The following MYLK variants were observed in gnomAD, a reference collection of about 807,000 sequenced individuals.
MYLK encodes the protein myosin light chain kinase, also known as myosin light chain kinase, smooth muscle.
Under a neutral mutation model 203.4 loss-of-function variants are expected in MYLK, and 106 were observed. The observed-to-expected ratio is 0.52, with a 90% CI of 0.45 to 0.61. The LOEUF (loss-of-function observed/expected upper bound fraction) is 0.61, where lower values mean the gene tolerates loss of function less well. Among genes scored for constraint, MYLK ranks in the 20% least tolerant of loss-of-function variants. The pLI, the probability that MYLK is intolerant of heterozygous loss-of-function variation, is 0.00. For synonymous variants in MYLK, 867 were observed against 959.5 expected, an observed-to-expected ratio of 0.90 and a Z score of 1.78; for missense variants, 2,072 against 2,442.3, an observed-to-expected ratio of 0.85 and a Z score of 3.20.
At chr3:123,710,708 A>G (rs1205496148) in intron 13 of MYLK, among the ~76,000 whole-genome samples, 4 of 152,220 alleles carry the variant, frequency 2.6e-5, no homozygotes, top group Non-Finnish European at 4.4e-5. Flanking sequence ...GGATCTAGTC[A>G]TGCTACTCCT....
chr3:123,848,865 T>C lies in MYLK; in HGVS notation c.-126-17195A>G, dbSNP rs79995944. ...GACTACCTCGAAACTTCTTGTTATA[T>C]GGCAAATGTTAAACCCCTAGGTCAT... On this transcript the variant is annotated intron_variant, in intron 2 of 33. Coordinates refer to ENST00000360304, the MANE Select transcript of MYLK (RefSeq NM_053025.4). 3.0e-3 allele frequency among the ~76,000 whole-genome samples: 459 copies of C among 152,366 alleles called. 2 individuals carry two copies. The highest frequency in any genetic ancestry group is 0.01 in the African/African-American group (422 of 41,588).
At chr3:123,723,786 A>G (rs985988200) in intron 12 of MYLK, among the ~76,000 whole-genome samples, 5 of 152,266 alleles carry the variant, frequency 3.3e-5, no homozygotes, top group African/African-American at 1.2e-4. Flanking sequence ...AGTCGCTGAG[A>G]AAACACCGTC....
Position 123,647,241 on chromosome 3 carries a change from G to A in MYLK, c.4602C>T (p.Ile1534=), listed in dbSNP as rs578009736. ...CCACTCACATCTCCAGGACCATGAC[G>A]ATGTTGGCCTTTTCTTCAAAGGCAT... is the stretch of plus-strand genomic sequence containing the variant. ...CVDAFEEKAN[I]VMVLEIVSGG... is the part of the protein sequence containing the mutation. The change falls in exon 27 of 34, where the codon ATC becomes ATT. Residue 1534 remains isoleucine, a synonymous_variant. Transcript: ENST00000360304. 51 of 1,614,186 alleles carry A rather than the reference G, an allele frequency of 3.2e-5. No homozygotes were observed. In the South Asian group the frequency reaches 4.6e-4, roughly 15 times the overall value.
chr3:123,867,708 T>C (rs760938373), intron 2 of MYLK, among the ~76,000 whole-genome samples: 17 of 152,138 alleles, frequency 1.1e-4, no homozygotes, highest in African/African-American at 3.1e-4. Context: ...TGTGAGAAAA[T>C]GAATTTCCAT....
rs1396522007 is a variant in MYLK at position 123,614,136 on chromosome 3, C to T, written c.5714G>A (p.Gly1905Asp). The T allele has an allele frequency of 1.2e-6, 2 of 1,613,902 alleles. No individual in the cohort carries two copies. Among genetic ancestry groups the T allele is most frequent in the Middle Eastern group, 1.6e-4 (1 of 6,062 alleles). ...TTCTTCCTCTTCCCCTTCCCCTTCA[C>T]CTTCCTCCATCGTTTCCACAATGAG... ...AELIVETMEE[G>D]EGEGEEEEE Residue 1905 changes from glycine (G) to aspartate (D), a missense_variant, in exon 34 of 34, where the codon GGT becomes GAT. This residue lies in a region of MYLK where 524 missense variants were observed against 782.4 expected (regional missense o/e 0.67). Transcript: ENST00000360304.
At chr3:123,693,790 G>A (rs2060788149) in intron 18 of MYLK, among the ~76,000 whole-genome samples, 1 of 152,238 alleles carries the variant, frequency 6.6e-6, no homozygotes, top group African/African-American at 2.4e-5. Context: ...TGCTGGGCCA[G>A]GCAGAAGGGC....
chr3:123,786,071 G>A lies in MYLK; in HGVS notation c.165+7606C>T, dbSNP rs367795950. ...TAATCCCAGCACTTTGGGAGGCCGA[G>A]GTGGGCGGATCACCTGAGGTCAGGA... On this transcript the variant is annotated intron_variant, in intron 4 of 33. Transcript: ENST00000360304. Among the ~76,000 whole-genome samples the A allele has an allele frequency of 3.3e-5, 5 of 152,210 alleles. No individual in the cohort carries two copies. The East Asian group carries it at 9.7e-4, about 29-fold the overall frequency.
rs781555971 is a variant in MYLK at position 123,707,819 on chromosome 3, G to T, written c.2325C>A (p.Asp775Glu). The T allele has an allele frequency of 6.2e-7, 1 of 1,614,080 alleles. No homozygotes were observed. Among genetic ancestry groups the T allele is most frequent in the Non-Finnish European group, 8.5e-7 (1 of 1,180,038 alleles). Reference protein sequence around the residue: ...TGHFEVLQNEDVFTLVLKKVQ... With the variant: ...TGHFEVLQNEEVFTLVLKKVQ... ...CCTTCTTTAGAACCAGGGTGAACACGTCCTCATTCTGAAGCACCTCGAAGT... is the reference window on the plus strand; with the variant it reads ...CCTTCTTTAGAACCAGGGTGAACACTTCCTCATTCTGAAGCACCTCGAAGT... Residue 775 changes from aspartate to glutamate, a missense_variant, in exon 16 of 34, where the codon GAC (aspartate) becomes GAA (glutamate). By Grantham distance (45) the Asp-to-Glu change is conservative. Transcript: ENST00000360304.
intron 1 of MYLK, among the ~76,000 whole-genome samples, chr3:123,879,803 C>T (rs1315550119): frequency 1.3e-5 from 2 of 152,152 alleles, no homozygotes; most frequent in Non-Finnish European, 2.9e-5. Context: ...TACAGACGCC[C>T]GCCACCACAC....
At chr3:123,716,562 T>C (rs2061901925) in intron 13 of MYLK, among the ~76,000 whole-genome samples, 1 of 152,228 alleles carries the variant, frequency 6.6e-6, no homozygotes, top group South Asian at 2.1e-4. Flanking sequence ...CAAGGATCAC[T>C]GAAACCACAG....
intron 20 of MYLK, among the ~76,000 whole-genome samples, chr3:123,673,447 C>T (rs2059980617): frequency 6.6e-6 from 1 of 152,056 alleles, no homozygotes; most frequent in South Asian, 2.1e-4. Flanking sequence ...CCTCCCCCCA[C>T]TCCCCCGCTC....
chr3:123,771,514 TTGC>T lies in MYLK; in HGVS notation c.166-18979_166-18977del, dbSNP rs1037118784. ...TCATTTCTCCTTTTATATAAATGTTTTGCTTCTGCTTTCCTTCGGCTTGTTCTA... is the reference window on the plus strand; with the variant it reads ...TCATTTCTCCTTTTATATAAATGTTTTTCTGCTTTCCTTCGGCTTGTTCTA... On this transcript the variant is annotated intron_variant, in intron 4 of 33. Transcript: ENST00000360304. Among the ~76,000 whole-genome samples, 59 of 152,324 alleles carry T rather than the reference TTGC, an allele frequency of 3.9e-4. 1 individual carries two copies. The highest frequency in any genetic ancestry group is 1.4e-3 in the African/African-American group (59 of 41,584).
chr3:123,755,492 A>G (rs2063332344), intron 4 of MYLK, among the ~76,000 whole-genome samples: 1 of 152,162 alleles, frequency 6.6e-6, no homozygotes, highest in African/African-American at 2.4e-5. Flanking sequence ...TCACTATGAT[A>G]CTTTTATAGC....
rs1553857368 is a variant in MYLK, at chr3:123,820,648, T to TTCCTTCCC, written c.-4+10899_-4+10900insGGGAAGGA. ...CTTCCTTCCTTCCTTCCTTCCCTCC[T>TTCCTTCCC]TCCTTCCTTCCTTCCCTCCTTCCTT... On this transcript the variant is annotated intron_variant, in intron 3 of 33. Transcript: ENST00000360304. Among the ~76,000 whole-genome samples, 34 of 129,466 alleles carry TTCCTTCCC rather than the reference T, an allele frequency of 2.6e-4. No individual in the cohort carries two copies. The East Asian group carries it at 4.9e-3, about 19-fold the overall frequency. The allele number at this position is 129,466 out of a possible 152,430, so 84.9% of individuals were successfully genotyped here. A position where few individuals can be genotyped will look rare whatever the true frequency, so the allele number is the denominator to read the frequency against.
At chr3:123,859,304 G>A (rs1560296855) in intron 2 of MYLK, among the ~76,000 whole-genome samples, 1 of 152,244 alleles carries the variant, frequency 6.6e-6, no homozygotes, top group Non-Finnish European at 1.5e-5. Flanking sequence ...GGGTCCCATG[G>A]TGAAAGTTTG....
At chr3:123,735,487 C>CACTT in intron 8 of MYLK, 71 bp from the exon 9 acceptor site, 1 of 1,570,108 alleles carries the variant, frequency 6.4e-7, no homozygotes, top group Non-Finnish European at 8.8e-7. Flanking sequence ...CCTCCCCAGG[C>CACTT]ACTTCCTCAT....
chr3:123,666,161 C>T, intron 22 of MYLK, 58 bp downstream of exon 22: 1 of 1,613,924 alleles, frequency 6.2e-7, no homozygotes, highest in East Asian at 2.2e-5. Flanking sequence ...CCTTTCGGTC[C>T]AAAGGCTGTA....
At chr3:123,801,170 C>A (rs895987623) in intron 3 of MYLK, among the ~76,000 whole-genome samples, 14 of 152,314 alleles carry the variant, frequency 9.2e-5, no homozygotes, top group African/African-American at 2.4e-4. Context: ...TACTAGAAAA[C>A]TCCACTGTAC....
chr3:123,657,310 G>A lies in MYLK; in HGVS notation c.4104C>T (p.Ile1368=), dbSNP rs376676607. ...DGGSAVQSYS[I]EIWDSANKTW... is the part of the protein sequence containing the mutation. ...TCTTGTTGGCTGAGTCCCAGATCTC[G>A]ATGCTGTAGGACTGTACAGCACTGC... The change falls in exon 24 of 34, where the codon ATC becomes ATT. Residue 1368 remains isoleucine (I), a synonymous_variant. Coordinates refer to ENST00000360304, the MANE Select transcript of MYLK (RefSeq NM_053025.4). The A allele has an allele frequency of 2.0e-5, 33 of 1,613,992 alleles. No individual in the cohort carries two copies. Among genetic ancestry groups the A allele is most frequent in the Non-Finnish European group, 2.4e-5 (28 of 1,180,038 alleles).
Sources: allele counts gnomAD v4.1 joint callset (sites outside exome capture counted in the v4.1 genomes callset), GRCh38; gene constraint gnomAD v4.1.1; regional missense constraint gnomAD v4.1.1; transcripts MANE v1.5; gene names NCBI Gene and HGNC (gene_info 2026-07-23, HGNC 2026-07-21).